NFKB2: variants seen among roughly 807,000 people sequenced by gnomAD.
NFKB2 encodes the protein nuclear factor kappa B subunit 2.
Under a neutral mutation model 109.3 loss-of-function variants are expected in NFKB2, and 21 were observed. The observed-to-expected ratio is 0.19, with a 90% CI of 0.14 to 0.28. The LOEUF is 0.28. Ranked by LOEUF, NFKB2 falls within the 10% of genes least tolerant of loss-of-function variation. The probability of loss-of-function intolerance (pLI) is 1.00; values close to 1 mark genes in which losing one functional copy is unlikely to be tolerated. For missense variants in NFKB2, 806 were observed against 1,185.3 expected (o/e 0.68, Z 4.70); for synonymous variants, 478 against 489.9 (o/e 0.98, Z 0.32).
At position 102,396,703 on chromosome 10, in the gene NFKB2, T is replaced by C. The variant is rs761344659; in HGVS notation, c.145-22T>C. 5.0e-6 allele frequency: 8 copies of C among 1,605,006 alleles called. No homozygotes were observed. The highest frequency in any genetic ancestry group is 5.1e-6 in the Non-Finnish European group (6 of 1,172,382). On this transcript the variant is annotated intron_variant, in intron 4 of 22. Coordinates refer to ENST00000661543, the MANE Select transcript of NFKB2 (RefSeq NM_001322934.2). This position sits in a 1 kb window ranked among gnomAD's most constrained non-coding sequence, Gnocchi z 5.9. ...GGGTGGTCTTCCCTGATCACAATGCTACTATGCCCTTGGACCTTCAGAGAG... is the reference window on the plus strand; with the variant it reads ...GGGTGGTCTTCCCTGATCACAATGCCACTATGCCCTTGGACCTTCAGAGAG...
intron 14 of NFKB2, 105 bp from the exon 15 acceptor site, chr10:102,399,975 C>A (rs1017798835): frequency 8.0e-7 from 1 of 1,251,346 alleles, no homozygotes; most frequent in South Asian, 1.3e-5. Context: ...GGGCCACGTG[C>A]TGGGTTCCAT....
chr10:102,396,197 G>A lies in NFKB2; in HGVS notation c.22-56G>A. On this transcript the variant is annotated intron_variant, in intron 2 of 22. Transcript: ENST00000661543. The surrounding 1 kb of genome is among the most constrained non-coding windows in gnomAD (Gnocchi z 5.9). ...CACTGAAGACTTGGAGATGGGAGGT[G>A]GGGCTGTGGGGGGTGCTGAGAGTCG... is the stretch of plus-strand genomic sequence containing the variant. 1 of 1,556,216 alleles carries A rather than the reference G, an allele frequency of 6.4e-7. No homozygotes were observed. The highest frequency in any genetic ancestry group is 1.1e-5 in the South Asian group (1 of 87,154).
chr10:102,399,522 T>TCGGGGCGC, intron 13 of NFKB2, 25 bp downstream of exon 13: 1 of 1,501,964 alleles, frequency 6.7e-7, no homozygotes, highest in Non-Finnish European at 8.9e-7. Flanking sequence ...GCACGGGCGG[T>TCGGGGCGC]CGGGGCGCCG....
Position 102,401,265 on chromosome 10 carries a change from G to C in NFKB2, c.2157G>C (p.Gly719=), listed in dbSNP as rs778716019. The part of the protein sequence containing the change: ...PTSDSDSDSE[G]PEKDTRSSFR... Reference sequence around the variant, plus strand: ...CTGATAGCGACTCGGACTCTGAAGGGCCTGAGAAGGACACCCGAAGCAGCT... The same window carrying C: ...CTGATAGCGACTCGGACTCTGAAGGCCCTGAGAAGGACACCCGAAGCAGCT... Residue 719 remains glycine, a synonymous_variant, in exon 19 of 23, where the codon GGG becomes GGC. Transcript: ENST00000661543. The surrounding 1 kb of genome is among the most constrained non-coding windows in gnomAD (Gnocchi z 4.2). The C allele has an allele frequency of 6.2e-7, 1 of 1,612,066 alleles. No homozygotes were observed. Among genetic ancestry groups the C allele is most frequent in the South Asian group, 1.1e-5 (1 of 90,804 alleles).
chr10:102,398,096 A>C lies in NFKB2; in HGVS notation c.766+11A>C. ...ACAAGGTGCAGAAAGGTGAGACTGG[A>C]GCCCACTTTGGGCACCAAGGACATC... On this transcript the variant is annotated intron_variant, in intron 9 of 22. Coordinates refer to ENST00000661543, the MANE Select transcript of NFKB2 (RefSeq NM_001322934.2). This position sits in a 1 kb window ranked among gnomAD's most constrained non-coding sequence, Gnocchi z 6.6. The C allele has an allele frequency of 6.2e-7, 1 of 1,612,942 alleles. No homozygotes were observed. Among genetic ancestry groups the C allele is most frequent in the East Asian group, 2.2e-5 (1 of 44,898 alleles).
rs945331240 is a variant in NFKB2 at position 102,401,600 on chromosome 10, C to A, written c.2293+82C>A. The A allele has an allele frequency of 2.0e-6, 3 of 1,537,980 alleles. No individual in the cohort carries two copies. Among genetic ancestry groups the A allele is most frequent in the East Asian group, 2.3e-5 (1 of 44,128 alleles). ...TCTCCTTCAGGACCTCTGAAGGAGGCCTCCCTTTCTCTACCCTCAGCCCCG... is the reference window on the plus strand; with the variant it reads ...TCTCCTTCAGGACCTCTGAAGGAGGACTCCCTTTCTCTACCCTCAGCCCCG... On this transcript the variant is annotated intron_variant, in intron 20 of 22. Transcript: ENST00000661543. This position sits in a 1 kb window ranked among gnomAD's most constrained non-coding sequence, Gnocchi z 4.2.
In NFKB2 at chr10:102,396,721, T is replaced by G. The variant is rs374924291; in HGVS notation, c.145-4T>G. ...ACAATGCTACTATGCCCTTGGACCT[T>G]CAGAGAGGCTTCCGATTTCGATATG... is the stretch of plus-strand genomic sequence containing the variant. On this transcript the variant is annotated splice_polypyrimidine_tract_variant and splice_region_variant and intron_variant, in intron 4 of 22. Transcript: ENST00000661543. This position sits in a 1 kb window ranked among gnomAD's most constrained non-coding sequence, Gnocchi z 5.9. 15 of 1,611,086 alleles carry G rather than the reference T, an allele frequency of 9.3e-6. No homozygotes were observed. The highest frequency in any genetic ancestry group is 1.3e-5 in the Non-Finnish European group (15 of 1,177,598).
Position 102,400,583 on chromosome 10 carries a change from T to C in NFKB2, c.1799-72T>C. On this transcript the variant is annotated intron_variant, in intron 16 of 22. Coordinates refer to ENST00000661543, the MANE Select transcript of NFKB2 (RefSeq NM_001322934.2). This position sits in a 1 kb window ranked among gnomAD's most constrained non-coding sequence, Gnocchi z 6.3. Reference sequence around the variant, plus strand: ...CAGAATGGACTATGAGGTGTCGAGATTGAATGGTCAGGGCTGGTCCAGGGG... The same window carrying C: ...CAGAATGGACTATGAGGTGTCGAGACTGAATGGTCAGGGCTGGTCCAGGGG... The C allele has an allele frequency of 1.2e-6, 2 of 1,600,632 alleles. No individual in the cohort carries two copies. Among genetic ancestry groups the C allele is most frequent in the Non-Finnish European group, 1.7e-6 (2 of 1,171,512 alleles).
rs2061149062 is a variant in NFKB2 at position 102,398,104 on chromosome 10, T to C, written c.766+19T>C. 1.2e-6 allele frequency: 2 copies of C among 1,612,390 alleles called. No individual in the cohort carries two copies. The highest frequency in any genetic ancestry group is 8.5e-7 in the Non-Finnish European group (1 of 1,178,412). On this transcript the variant is annotated intron_variant, in intron 9 of 22. Coordinates refer to ENST00000661543, the MANE Select transcript of NFKB2 (RefSeq NM_001322934.2). This position sits in a 1 kb window ranked among gnomAD's most constrained non-coding sequence, Gnocchi z 6.6. ...CAGAAAGGTGAGACTGGAGCCCACT[T>C]TGGGCACCAAGGACATCGAGTATAA... is the stretch of plus-strand genomic sequence containing the variant.
upstream of NFKB2, among the ~76,000 whole-genome samples, chr10:102,395,271 C>T (rs939389427): frequency 6.6e-6 from 1 of 152,194 alleles, no homozygotes; most frequent in Admixed American, 6.5e-5. Flanking sequence ...CGGGGCAGAA[C>T]CCCGGGGCCT....
rs1397604116 is a variant in NFKB2 at position 102,401,721 on chromosome 10, T to C, written c.2294-24T>C. 2.5e-6 allele frequency: 4 copies of C among 1,572,642 alleles called. No homozygotes were observed. The highest frequency in any genetic ancestry group is 3.5e-6 in the Non-Finnish European group (4 of 1,157,144). ...CACCCAACTCTGGAGGTAAATGACA[T>C]GTCTGTATGTGTGTCCCCCTAAGGG... On this transcript the variant is annotated intron_variant, in intron 20 of 22. Transcript: ENST00000661543. The surrounding 1 kb of genome is among the most constrained non-coding windows in gnomAD (Gnocchi z 4.2).
chr10:102,396,420 G>A lies in NFKB2; in HGVS notation c.104-29G>A, dbSNP rs374600410. 3.7e-6 allele frequency: 6 copies of A among 1,614,008 alleles called. No individual in the cohort carries two copies. The highest frequency in any genetic ancestry group is 1.3e-5 in the African/African-American group (1 of 74,928). Reference sequence around the variant, plus strand: ...TCTCTGGGGGAGGGGCTGGGAGATCGTGGCTCAGCAAGGTCTCTCTGTCCC... The same window carrying A: ...TCTCTGGGGGAGGGGCTGGGAGATCATGGCTCAGCAAGGTCTCTCTGTCCC... On this transcript the variant is annotated intron_variant, in intron 3 of 22. Transcript: ENST00000661543. The surrounding 1 kb of genome is among the most constrained non-coding windows in gnomAD (Gnocchi z 5.9).
In NFKB2 at chr10:102,397,283, T is replaced by A. The variant is rs1318736194; in HGVS notation, c.396-19T>A. ...AGAAAGAACTGCATGGCCAAAGGCCTCCGATTCTCTCTTCTCAGATTTAAC... is the reference window on the plus strand; with the variant it reads ...AGAAAGAACTGCATGGCCAAAGGCCACCGATTCTCTCTTCTCAGATTTAAC... On this transcript the variant is annotated intron_variant, in intron 6 of 22. Transcript: ENST00000661543. The surrounding 1 kb of genome is among the most constrained non-coding windows in gnomAD (Gnocchi z 4.7). The A allele has an allele frequency of 2.5e-6, 4 of 1,611,456 alleles. No individual in the cohort carries two copies. The highest frequency in any genetic ancestry group is 2.7e-5 in the African/African-American group (2 of 74,878).
chr10:102,397,223 A>G lies in NFKB2; in HGVS notation c.396-79A>G, dbSNP rs2061131181. 6.4e-7 allele frequency: 1 copy of G among 1,555,236 alleles called. No homozygotes were observed. Among genetic ancestry groups the G allele is most frequent in the Non-Finnish European group, 8.8e-7 (1 of 1,131,966 alleles). ...TGGCTTCCTTGAGGAAGTAAGGCTG[A>G]GCTGAGCCCTGGCAATGGGAAAGGT... On this transcript the variant is annotated intron_variant, in intron 6 of 22. Transcript: ENST00000661543. The surrounding 1 kb of genome is among the most constrained non-coding windows in gnomAD (Gnocchi z 4.7).
In NFKB2 at chr10:102,401,981, C is replaced by G; in HGVS notation, c.2466+64C>G. ...TTCCCGATCTGAGTCCAGGTGCCTCCTTGGCCCCAGGGCTCCCGAGCACAT... is the reference window on the plus strand; with the variant it reads ...TTCCCGATCTGAGTCCAGGTGCCTCGTTGGCCCCAGGGCTCCCGAGCACAT... On this transcript the variant is annotated intron_variant, in intron 21 of 22. Coordinates refer to ENST00000661543, the MANE Select transcript of NFKB2 (RefSeq NM_001322934.2). This position sits in a 1 kb window ranked among gnomAD's most constrained non-coding sequence, Gnocchi z 4.2. 6.3e-7 allele frequency: 1 copy of G among 1,588,500 alleles called. No homozygotes were observed. Among genetic ancestry groups the G allele is most frequent in the Non-Finnish European group, 8.6e-7 (1 of 1,165,690 alleles).
At position 102,400,210 on chromosome 10, in the gene NFKB2, C is replaced by T; in HGVS notation, c.1584+16C>T. ...CCTGCACCAGGTGCGGGGGCGCCTA[C>T]TGGGGAGGTGGGAGGGGTTGGAAGG... On this transcript the variant is annotated intron_variant, in intron 15 of 22. Coordinates refer to ENST00000661543, the MANE Select transcript of NFKB2 (RefSeq NM_001322934.2). The surrounding 1 kb of genome is among the most constrained non-coding windows in gnomAD (Gnocchi z 6.3). 2 of 1,614,006 alleles carry T rather than the reference C, an allele frequency of 1.2e-6. No individual in the cohort carries two copies. Among genetic ancestry groups the T allele is most frequent in the Non-Finnish European group, 1.7e-6 (2 of 1,179,920 alleles).
chr10:102,400,539 AG>A lies in NFKB2; in HGVS notation c.1798+51del. ...CTAAGGGGGCAGGCGGGGACCAGGG[AG>A]GGTATCTGGCCAGTGCCCAGAATGG... is the stretch of plus-strand genomic sequence containing the variant. On this transcript the variant is annotated intron_variant, in intron 16 of 22. Coordinates refer to ENST00000661543, the MANE Select transcript of NFKB2 (RefSeq NM_001322934.2). The surrounding 1 kb of genome is among the most constrained non-coding windows in gnomAD (Gnocchi z 6.3). 6.3e-7 allele frequency: 1 copy of A among 1,588,170 alleles called. No homozygotes were observed. The highest frequency in any genetic ancestry group is 8.6e-7 in the Non-Finnish European group (1 of 1,166,332).
Position 102,401,484 on chromosome 10 carries a change from C to A in NFKB2, c.2259C>A (p.Thr753=). 1.2e-6 allele frequency: 2 copies of A among 1,613,766 alleles called. No homozygotes were observed. The highest frequency in any genetic ancestry group is 1.7e-6 in the Non-Finnish European group (2 of 1,179,968). Residue 753 remains threonine (T), a synonymous_variant, in exon 20 of 23, where the codon ACC becomes ACA. Transcript: ENST00000661543. The surrounding 1 kb of genome is among the most constrained non-coding windows in gnomAD (Gnocchi z 4.2). ...KTLLLNAAQN[T]MEPPLTPPSP... is the part of the protein sequence containing the mutation. ...TGCTGCTAAATGCTGCTCAGAACAC[C>A]ATGGAGCCACCCCTGACCCCGCCCA...
rs760772629 is a variant in NFKB2 at position 102,397,509 on chromosome 10, CAT to C, written c.503-17_503-16del. On this transcript the variant is annotated splice_polypyrimidine_tract_variant and intron_variant, in intron 7 of 22. Coordinates refer to ENST00000661543, the MANE Select transcript of NFKB2 (RefSeq NM_001322934.2). This position sits in a 1 kb window ranked among gnomAD's most constrained non-coding sequence, Gnocchi z 4.7. ...GGGAGGGAGAAGCCCAGGGGTCACACATGTACCTACTGCCCAGAGGCCGAGCA... is the reference window on the plus strand; with the variant it reads ...GGGAGGGAGAAGCCCAGGGGTCACACGTACCTACTGCCCAGAGGCCGAGCA... 14 of 1,611,626 alleles carry C rather than the reference CAT, an allele frequency of 8.7e-6. No individual in the cohort carries two copies. The highest frequency in any genetic ancestry group is 1.2e-5 in the Non-Finnish European group (14 of 1,178,582).
Sources: allele counts gnomAD v4.1 joint callset (sites outside exome capture counted in the v4.1 genomes callset), GRCh38; gene constraint gnomAD v4.1.1; non-coding constraint Gnocchi (gnomAD v3.1); transcripts MANE v1.5; gene names NCBI Gene and HGNC (gene_info 2026-07-23, HGNC 2026-07-21).